Variants in DTNA observed in about 807,000 individuals in gnomAD.
DTNA encodes dystrobrevin alpha.
In DTNA, 43 loss-of-function variants were observed where a neutral mutation model predicts 100.7. The observed-to-expected ratio is 0.43, with a 90% CI of 0.33 to 0.55. The LOEUF (loss-of-function observed/expected upper bound fraction) is 0.55, where lower values mean the gene tolerates loss of function less well. DTNA is among the 20% of genes least tolerant of loss of function. The probability of loss-of-function intolerance (pLI) is 0.04; values close to 1 mark genes in which losing one functional copy is unlikely to be tolerated. For missense variants in DTNA, 798 were observed against 953.9 expected, an observed-to-expected ratio of 0.84 and a Z score of 2.15; for synonymous variants, 349 against 347.9, an observed-to-expected ratio of 1.00 and a Z score of -0.04.
intron 1 of DTNA, among the ~76,000 whole-genome samples, chr18:34,557,462 C>T (rs1008012369): frequency 2.0e-5 from 3 of 152,050 alleles, no homozygotes; most frequent in Non-Finnish European, 2.9e-5. Flanking sequence ...CAGAGTTTCC[C>T]GTTTTTCTGT....
chr18:34,589,102 CA>C (rs1219946116), intron 1 of DTNA, among the ~76,000 whole-genome samples: 8 of 151,828 alleles, frequency 5.3e-5, no homozygotes, highest in Non-Finnish European at 1.2e-4. Flanking sequence ...ATGTGACAGG[CA>C]TATATAACAG....
intron 1 of DTNA, among the ~76,000 whole-genome samples, chr18:34,614,255 C>T (rs2054795356): frequency 6.6e-6 from 1 of 152,162 alleles, no homozygotes; most frequent in Non-Finnish European, 1.5e-5. Flanking sequence ...TATTACTTCT[C>T]ATTGACAATG....
intron 1 of DTNA, among the ~76,000 whole-genome samples, chr18:34,714,968 A>G: frequency 6.6e-6 from 1 of 151,538 alleles, no homozygotes; most frequent in Non-Finnish European, 1.5e-5. Context: ...CAAAAAACCA[A>G]ACACCGCATA....
intron 4 of DTNA, among the ~76,000 whole-genome samples, chr18:34,797,418 C>G (rs889077381): frequency 7.9e-5 from 12 of 152,120 alleles, no homozygotes; most frequent in African/African-American, 2.9e-4. Context: ...CCAGTCTCTT[C>G]CTCTTGTCCC....
intron 1 of DTNA, among the ~76,000 whole-genome samples, chr18:34,539,054 G>A (rs901571167): frequency 8.6e-5 from 13 of 152,026 alleles, no homozygotes; most frequent in African/African-American, 2.4e-4. Context: ...TATGTTAAAT[G>A]TCACAAGTAA....
At chr18:34,505,351 T>C (rs771474077) in intron 1 of DTNA, among the ~76,000 whole-genome samples, 2 of 152,214 alleles carry the variant, frequency 1.3e-5, no homozygotes, top group Non-Finnish European at 2.9e-5. Context: ...GCCACCTGGA[T>C]AGTGCAGGCC....
chr18:34,611,810 T>C (rs1292383201), intron 1 of DTNA, among the ~76,000 whole-genome samples: 2 of 152,184 alleles, frequency 1.3e-5, no homozygotes, highest in African/African-American at 2.4e-5. Context: ...GGTGTGGAGA[T>C]GCTGGTCACT....
intron 9 of DTNA, among the ~76,000 whole-genome samples, chr18:34,821,778 A>G (rs1286107235): frequency 6.6e-6 from 1 of 152,184 alleles, no homozygotes; most frequent in Non-Finnish European, 1.5e-5. Flanking sequence ...CTGTGTTTGC[A>G]TGTTGACATC....
chr18:34,548,791 G>A (rs1039123141), intron 1 of DTNA, among the ~76,000 whole-genome samples: 2 of 152,000 alleles, frequency 1.3e-5, no homozygotes, highest in East Asian at 3.9e-4. Flanking sequence ...TGTTAATATC[G>A]GGTAACTGCA....
intron 10 of DTNA, chr18:34,829,019 A>AGGTCATTT (rs1376744151): frequency 6.2e-7 from 1 of 1,614,074 alleles, no homozygotes; most frequent in African/African-American, 1.3e-5. Flanking sequence ...TCCTTACTGA[A>AGGTCATTT]GGTCATTTTA....
intron 1 of DTNA, among the ~76,000 whole-genome samples, chr18:34,648,524 G>A (rs1444317549): frequency 6.6e-6 from 1 of 152,206 alleles, no homozygotes; most frequent in Non-Finnish European, 1.5e-5. Flanking sequence ...AGGGAAATTG[G>A]AGTAGATGGG....
chr18:34,510,077 G>GTGTGTC (rs1040913951), intron 1 of DTNA, among the ~76,000 whole-genome samples: 3 of 150,038 alleles, frequency 2.0e-5, no homozygotes, highest in Non-Finnish European at 4.4e-5. Context: ...TTTTGTGTGT[G>GTGTGTC]TGTGTGTGTG....
chr18:34,629,603 A>G (rs1425613410), intron 1 of DTNA, among the ~76,000 whole-genome samples: 1 of 152,180 alleles, frequency 6.6e-6, no homozygotes, highest in Non-Finnish European at 1.5e-5. Context: ...AGATATTTTC[A>G]GGCAATCCTA....
intron 1 of DTNA, among the ~76,000 whole-genome samples, chr18:34,622,391 C>T (rs1014532836): frequency 1.3e-5 from 2 of 152,184 alleles, no homozygotes; most frequent in Admixed American, 6.5e-5. Context: ...CCATAGACCA[C>T]ACTGGTTTAG....
chr18:34,571,498 T>A (rs1286542729), intron 1 of DTNA, among the ~76,000 whole-genome samples: 1 of 152,026 alleles, frequency 6.6e-6, no homozygotes, highest in Non-Finnish European at 1.5e-5. Context: ...CCCATCACTT[T>A]GGGAGGCTGA....
chr18:34,879,623 C>T lies in DTNA; in HGVS notation c.2066C>T (p.Ser689Leu). 1 of 1,614,082 alleles carries T rather than the reference C, an allele frequency of 6.2e-7. No individual in the cohort carries two copies. The highest frequency in any genetic ancestry group is 1.6e-4 in the Middle Eastern group (1 of 6,062). Residue 689 changes from serine (S) to leucine (L), a missense_variant, in exon 20 of 23, where the codon TCA becomes TTA. Ser to Leu is a moderately radical substitution (Grantham distance 145). Transcript: ENST00000444659. The stretch of plus-strand genomic sequence containing the variant: ...ACTCAGTTTGAGGATCTTGTTCCCT[C>T]ACCAACCTCTGAAAAGGCTTTTCTA... The part of the protein sequence containing the change: ...ARTQFEDLVP[S>L]PTSEKAFLAQ...
intron 3 of DTNA, among the ~76,000 whole-genome samples, chr18:34,782,236 A>G (rs528003137): frequency 6.6e-6 from 1 of 152,310 alleles, no homozygotes; most frequent in Non-Finnish European, 1.5e-5. Context: ...GATGAACAAG[A>G]CATAGCCCAT....
In DTNA at chr18:34,868,838, CTTT is replaced by C. The variant is rs2096735538; in HGVS notation, c.1743+4777_1743+4779del. On this transcript the variant is annotated intron_variant, in intron 17 of 22. Coordinates refer to ENST00000444659, the MANE Select transcript of DTNA (RefSeq NM_001386795.1). The stretch of plus-strand genomic sequence containing the variant: ...TTGAAGTTATCCTACCCTCTTTCTT[CTTT>C]GTGTATCTTTAAGATTTATTGAAGG... 3.0e-5 allele frequency: 26 copies of C among 878,960 alleles called. 1 individual carries two copies. In the South Asian group the frequency reaches 1.2e-3, roughly 39 times the overall value. The allele number at this position is 878,960 out of a possible 1,614,324, so 54.4% of individuals were successfully genotyped here.
chr18:34,866,051 G>T, intron 17 of DTNA: 1 of 1,593,676 alleles, frequency 6.3e-7, no homozygotes, highest in South Asian at 1.1e-5. Context: ...TTCACACTGT[G>T]TACATGCTCT....
Sources: gnomAD v4.1 joint callset for allele counts (sites outside exome capture counted in the v4.1 genomes callset) on GRCh38, gnomAD v4.1.1 for gene constraint, MANE v1.5 for transcripts, NCBI Gene and HGNC (gene_info 2026-07-23, HGNC 2026-07-21) for gene names.